AGAP4: variants seen among roughly 807,000 people sequenced by gnomAD.
AGAP4 encodes the protein arf-GAP with GTPase, ANK repeat and PH domain-containing protein 4.
A neutral mutation model predicts 60.7 loss-of-function variants in AGAP4; 13 were observed. The observed-to-expected ratio is 0.21, with a 90% CI of 0.14 to 0.34. The LOEUF is 0.34. Among genes scored for constraint, AGAP4 ranks in the 10% least tolerant of loss-of-function variants. The pLI, the probability that AGAP4 is intolerant of heterozygous loss-of-function variation, is 1.00. For missense variants in AGAP4, 169 were observed against 884.0 expected, an observed-to-expected ratio of 0.19 and a Z score of 10.26; for synonymous variants, 70 against 339.0, an observed-to-expected ratio of 0.21 and a Z score of 8.72.
Position 45,846,669 on chromosome 10 carries a change from C to A in AGAP4, c.292+18G>T, listed in dbSNP as rs1431828481. On this transcript the variant is annotated intron_variant, in intron 2 of 7. Coordinates refer to ENST00000616763, the MANE Select transcript of AGAP4 (RefSeq NM_001276343.3). The stretch of plus-strand genomic sequence containing the variant: ...TCCCACAGGATAATAAACAGAGCTA[C>A]AGACACTGTTGTCTCACCATCTGTT... 1.2e-6 allele frequency: 1 copy of A among 837,496 alleles called. No homozygotes were observed. The highest frequency in any genetic ancestry group is 1.8e-5 in the African/African-American group (1 of 56,180). 51.9% of individuals were successfully genotyped at this position (837,496 alleles called of 1,614,324 possible). A position where few individuals can be genotyped will look rare whatever the true frequency, so the allele number is the denominator to read the frequency against.
chr10:45,830,331 C>T (rs1554896941), intron 6 of AGAP4, among the ~76,000 whole-genome samples: 1 of 135,640 alleles, frequency 7.4e-6, no homozygotes, highest in African/African-American at 2.7e-5. Context: ...CACCACCACG[C>T]CCAGCCATTT....
At chr10:45,854,465 TA>T (rs1215102982), upstream of AGAP4, 10 of 147,258 alleles carry the variant, frequency 6.8e-5, no homozygotes, top group East Asian at 4.0e-4. Context: ...TCGTCTCTAC[TA>T]AAAAAAAAAT....
intron 3 of AGAP4, among the ~76,000 whole-genome samples, chr10:45,843,356 G>C (rs1319275992): frequency 4.0e-4 from 39 of 98,726 alleles, no homozygotes; most frequent in African/African-American, 8.2e-4. Flanking sequence ...CCTCTTTCAC[G>C]GTGTGGAACC....
upstream of AGAP4, among the ~76,000 whole-genome samples, chr10:45,852,217 T>TAAAAAAAAAAAA (rs781889843): frequency 2.5e-4 from 23 of 91,710 alleles, no homozygotes; most frequent in African/African-American, 1.3e-3. Context: ...GGCCAGACTT[T>TAAAAAAAAAAAA]AAAAAAAAAA....
rs2058775279 is a variant in AGAP4 at position 45,834,229 on chromosome 10, T to A, written c.397-113A>T. 3 of 883,150 alleles carry A rather than the reference T, an allele frequency of 3.4e-6. 1 individual carries two copies. Among genetic ancestry groups the A allele is most frequent in the Non-Finnish European group, 3.1e-6 (2 of 652,446 alleles). 54.7% of individuals were successfully genotyped at this position (883,150 alleles called of 1,614,324 possible). On this transcript the variant is annotated intron_variant, in intron 4 of 7. Coordinates refer to ENST00000616763, the MANE Select transcript of AGAP4 (RefSeq NM_001276343.3). ...TCTTACACTCCATGAAATGCCTGAG[T>A]GTGGTATCATGTGCACTCTATAGAA...
At chr10:45,838,486 CATAAA>C (rs1234880451) in intron 4 of AGAP4, among the ~76,000 whole-genome samples, 4 of 150,694 alleles carry the variant, frequency 2.7e-5, no homozygotes, top group East Asian at 3.9e-4. Flanking sequence ...TCTCAGCAAA[CATAAA>C]ATAAAACAAA....
In AGAP4 at chr10:45,831,434, G is replaced by C; in HGVS notation, c.498-5C>G. On this transcript the variant is annotated splice_region_variant and splice_polypyrimidine_tract_variant and intron_variant, in intron 5 of 7. Transcript: ENST00000616763. ...TGAGGTATCTCCAAGGTCACACTGT[G>C]GAAGGAAAAAAATTCATAACAATAG... is the stretch of plus-strand genomic sequence containing the variant. The C allele has an allele frequency of 6.3e-7, 1 of 1,588,162 alleles. No homozygotes were observed. The highest frequency in any genetic ancestry group is 8.5e-7 in the Non-Finnish European group (1 of 1,171,796).
intron 1 of AGAP4, among the ~76,000 whole-genome samples, chr10:45,852,654 A>C (rs1254660808): frequency 5.9e-5 from 9 of 151,726 alleles, no homozygotes; most frequent in Middle Eastern, 3.4e-3. Context: ...CTGTGGAAAA[A>C]ATTTAAGTAA....
chr10:45,848,804 A>C (rs1376306640), upstream of AGAP4: 1 of 151,980 alleles, frequency 6.6e-6, no homozygotes, highest in Admixed American at 6.6e-5. Flanking sequence ...CAGGAAACTT[A>C]GAATCATGGC....
intron 4 of AGAP4, among the ~76,000 whole-genome samples, chr10:45,834,831 T>C (rs1451341005): frequency 3.4e-5 from 5 of 146,226 alleles, no homozygotes; most frequent in Non-Finnish European, 7.4e-5. Context: ...TGGAGTGCAG[T>C]GGCGCGATCT....
In AGAP4 at chr10:45,845,397, G is replaced by A. The variant is rs2058982261; in HGVS notation, c.293-1003C>T. ...TTAAATGAAAACAATAAGCCTACTG[G>A]ATGTAATATGTTTATGATGCAATGT... is the stretch of plus-strand genomic sequence containing the variant. On this transcript the variant is annotated intron_variant, in intron 2 of 7. Coordinates refer to ENST00000616763, the MANE Select transcript of AGAP4 (RefSeq NM_001276343.3). 2.0e-5 allele frequency among the ~76,000 whole-genome samples: 2 copies of A among 98,452 alleles called. 1 individual carries two copies. The highest frequency in any genetic ancestry group is 1.0e-3 in the South Asian group (2 of 1,950). 64.6% of individuals were successfully genotyped at this position (98,452 alleles called of 152,430 possible).
upstream of AGAP4, among the ~76,000 whole-genome samples, chr10:45,852,232 A>C (rs1186625965): frequency 1.6e-4 from 23 of 143,752 alleles, no homozygotes; most frequent in Admixed American, 2.8e-4. Flanking sequence ...AAAAAAAAAA[A>C]AAAAAAAAAA....
intron 3 of AGAP4, among the ~76,000 whole-genome samples, 156 bp from the exon 4 acceptor site, chr10:45,841,843 G>C (rs2058924349): frequency 6.6e-6 from 1 of 151,596 alleles, no homozygotes; most frequent in African/African-American, 2.4e-5. Flanking sequence ...TATCTGGCAT[G>C]ATTAATTTCA....
At chr10:45,843,667 G>C (rs1218174647) in intron 3 of AGAP4, among the ~76,000 whole-genome samples, 1 of 133,912 alleles carries the variant, frequency 7.5e-6, no homozygotes, top group Non-Finnish European at 1.6e-5. Flanking sequence ...ACCCTCACTT[G>C]TGTTCTTGCT....
chr10:45,849,495 ATT>A (rs1491398765), upstream of AGAP4, among the ~76,000 whole-genome samples: 4 of 150,946 alleles, frequency 2.6e-5, no homozygotes, highest in Non-Finnish European at 5.9e-5. Context: ...TATTATTATT[ATT>A]ATTTTGAGAT....
At chr10:45,831,807 T>G (rs1554897173) in intron 5 of AGAP4, among the ~76,000 whole-genome samples, 2 of 129,762 alleles carry the variant, frequency 1.5e-5, no homozygotes, top group East Asian at 4.4e-4. Context: ...TGGTGCCATC[T>G]TGACTCCTCA....
rs1252990160 is a variant in AGAP4 at position 45,842,617 on chromosome 10, T to C, written c.362-930A>G. ...CTGCAGCACAAAAAATCATTTTTTT[T>C]CCCTAAAAAGAGGCCAGAATAATAA... is the stretch of plus-strand genomic sequence containing the variant. On this transcript the variant is annotated intron_variant, in intron 3 of 7. Transcript: ENST00000616763. Among the ~76,000 whole-genome samples the C allele has an allele frequency of 4.1e-4, 61 of 149,074 alleles. 8 individuals are homozygous for C. The highest frequency in any genetic ancestry group is 1.3e-3 in the African/African-American group (50 of 38,624).
intron 5 of AGAP4, among the ~76,000 whole-genome samples, chr10:45,832,196 C>G (rs1369004154): frequency 7.0e-6 from 1 of 141,896 alleles, no homozygotes; most frequent in East Asian, 2.1e-4. Flanking sequence ...ATGGATATGT[C>G]TATAGTGCTT....
intron 5 of AGAP4, among the ~76,000 whole-genome samples, chr10:45,831,908 G>T (rs1192826879): frequency 1.0e-4 from 15 of 147,922 alleles, no homozygotes; most frequent in African/African-American, 3.5e-4. Context: ...CCCAGATAAT[G>T]TTTTTTTGGG....
Sources: gnomAD v4.1 joint callset for allele counts (sites outside exome capture counted in the v4.1 genomes callset) on GRCh38, gnomAD v4.1.1 for gene constraint, MANE v1.5 for transcripts, NCBI Gene and HGNC (gene_info 2026-07-23, HGNC 2026-07-21) for gene names.